KLF12: variants seen among roughly 807,000 people sequenced by gnomAD.
KLF12 encodes the protein Krueppel-like factor 12.
In KLF12, 9 loss-of-function variants were observed where a neutral mutation model predicts 37.8. The observed-to-expected ratio is 0.24, with a 90% CI of 0.14 to 0.42. KLF12 has a LOEUF of 0.42. Ranked by LOEUF, KLF12 falls within the 10% of genes least tolerant of loss-of-function variation. The probability of loss-of-function intolerance (pLI) is 1.00; values close to 1 mark genes in which losing one functional copy is unlikely to be tolerated. For missense variants in KLF12, 411 were observed against 516.0 expected, an observed-to-expected ratio of 0.80 and a Z score of 1.97; for synonymous variants, 208 against 202.1, an observed-to-expected ratio of 1.03 and a Z score of -0.25.
At chr13:74,190,074 T>A in the KLF12 span, among the ~76,000 whole-genome samples, 1 of 152,220 alleles carries the variant, frequency 6.6e-6, no homozygotes, top group Non-Finnish European at 1.5e-5. Context: ...TCAATTCACA[T>A]GCTTGAGAGT....
At chr13:73,929,461 A>T (rs1889561648) in intron 3 of KLF12, among the ~76,000 whole-genome samples, 1 of 152,226 alleles carries the variant, frequency 6.6e-6, no homozygotes, top group Non-Finnish European at 1.5e-5. Flanking sequence ...TGGCTTCAAA[A>T]TCCACACATC....
At chr13:74,195,878 C>T in the KLF12 span, among the ~76,000 whole-genome samples, 1 of 152,146 alleles carries the variant, frequency 6.6e-6, no homozygotes, top group Non-Finnish European at 1.5e-5. Context: ...GCTACCGCAC[C>T]TGGCAGTTGA....
At chr13:73,762,437 C>T (rs1269730836) in intron 6 of KLF12, among the ~76,000 whole-genome samples, 1 of 152,156 alleles carries the variant, frequency 6.6e-6, no homozygotes, top group African/African-American at 2.4e-5. Context: ...CAGCCATAGG[C>T]TTTCCCAACC....
the KLF12 span, among the ~76,000 whole-genome samples, chr13:74,179,665 A>G: frequency 6.6e-6 from 1 of 152,186 alleles, no homozygotes; most frequent in Non-Finnish European, 1.5e-5. Flanking sequence ...CTAGTTTTTC[A>G]GTGGCTTATG....
chr13:73,955,058 T>C (rs1593778648), intron 2 of KLF12, among the ~76,000 whole-genome samples: 1 of 152,340 alleles, frequency 6.6e-6, no homozygotes, highest in East Asian at 1.9e-4. Flanking sequence ...TGGTTTCAGT[T>C]TTCTTATCTG....
chr13:74,084,503 G>A (rs1296228213), intron 1 of KLF12, among the ~76,000 whole-genome samples: 1 of 152,136 alleles, frequency 6.6e-6, no homozygotes, highest in East Asian at 1.9e-4. Flanking sequence ...AAGTCACCAC[G>A]AAACATTTAC....
At chr13:73,827,806 G>A (rs1053234856) in intron 4 of KLF12, among the ~76,000 whole-genome samples, 6 of 152,068 alleles carry the variant, frequency 3.9e-5, no homozygotes, top group Non-Finnish European at 8.8e-5. Flanking sequence ...AAAGTGATCC[G>A]CCTGCCTCAG....
At chr13:74,090,470 G>T (rs1188751305) in intron 1 of KLF12, among the ~76,000 whole-genome samples, 2 of 152,270 alleles carry the variant, frequency 1.3e-5, no homozygotes, top group African/African-American at 4.8e-5. Context: ...CAGATTCAAT[G>T]TAATCCCTAC....
chr13:73,883,729 G>A (rs573495153), intron 3 of KLF12, among the ~76,000 whole-genome samples: 1 of 152,268 alleles, frequency 6.6e-6, no homozygotes, highest in Admixed American at 6.5e-5. Context: ...TAGTTTAACT[G>A]TAAAGAACAA....
chr13:74,090,819 T>G (rs538384558), intron 1 of KLF12, among the ~76,000 whole-genome samples: 6 of 151,834 alleles, frequency 4.0e-5, no homozygotes, highest in African/African-American at 1.2e-4. Context: ...ACAATGTCAT[T>G]CACAGGACAA....
intron 4 of KLF12, among the ~76,000 whole-genome samples, chr13:73,817,312 C>T (rs1284005508): frequency 3.6e-5 from 4 of 112,426 alleles, no homozygotes; most frequent in Non-Finnish European, 7.2e-5. Flanking sequence ...GAGTGAGATC[C>T]TGTTTCAAAA....
At chr13:73,735,337 A>G (rs1334017065) in intron 6 of KLF12, among the ~76,000 whole-genome samples, 1 of 152,148 alleles carries the variant, frequency 6.6e-6, no homozygotes, top group Non-Finnish European at 1.5e-5. Context: ...TAGTATGACA[A>G]AGCATTTATC....
At chr13:73,932,570 T>C (rs1410255009) in intron 3 of KLF12, among the ~76,000 whole-genome samples, 1 of 152,198 alleles carries the variant, frequency 6.6e-6, no homozygotes, top group African/African-American at 2.4e-5. Flanking sequence ...GAATCTAATA[T>C]GTGGTGTCAG....
intron 7 of KLF12, among the ~76,000 whole-genome samples, chr13:73,707,048 G>A (rs1875005371): frequency 6.6e-6 from 1 of 152,166 alleles, no homozygotes. Flanking sequence ...GGCTGATGCT[G>A]AACAGGTAGG....
At chr13:74,093,666 T>C (rs926506133) in intron 1 of KLF12, among the ~76,000 whole-genome samples, 3 of 151,652 alleles carry the variant, frequency 2.0e-5, no homozygotes, top group African/African-American at 7.3e-5. Flanking sequence ...TTCCAAAATA[T>C]ATAATCACAT....
intron 2 of KLF12, among the ~76,000 whole-genome samples, chr13:73,988,724 C>CA (rs1219134756): frequency 6.6e-6 from 1 of 152,184 alleles, no homozygotes; most frequent in East Asian, 1.9e-4. Flanking sequence ...GCATGCTCTT[C>CA]AGTCAAAGGA....
intron 4 of KLF12, among the ~76,000 whole-genome samples, chr13:73,839,379 G>C (rs962535588): frequency 1.3e-5 from 2 of 151,510 alleles, no homozygotes; most frequent in Non-Finnish European, 1.5e-5. Flanking sequence ...CTGGGAATAC[G>C]GGCATGAGCC....
the KLF12 span, among the ~76,000 whole-genome samples, chr13:74,254,454 C>G: frequency 2.5e-3 from 376 of 152,230 alleles, 6 homozygotes; most frequent in East Asian, 0.044. Flanking sequence ...TCTTTTAATT[C>G]TGAGAACAAC....
rs527414519 is a variant in KLF12, at chr13:73,709,086, A to C, written c.1027+6282T>G. 1.6e-3 allele frequency among the ~76,000 whole-genome samples: 244 copies of C among 152,316 alleles called. 1 individual carries two copies. The highest frequency in any genetic ancestry group is 3.0e-3 in the Admixed American group (46 of 15,292). On this transcript the variant is annotated intron_variant, in intron 7 of 7. Coordinates refer to ENST00000377669, the MANE Select transcript of KLF12 (RefSeq NM_007249.5). ...TGGTCACATCTTCGTGTTATTATCT[A>C]AACTGTACACTCATGAAAATATACT... is the stretch of plus-strand genomic sequence containing the variant.
Sources: gnomAD v4.1 joint callset for allele counts (sites outside exome capture counted in the v4.1 genomes callset) on GRCh38, gnomAD v4.1.1 for gene constraint, MANE v1.5 for transcripts, NCBI Gene and HGNC (gene_info 2026-07-23, HGNC 2026-07-21) for gene names.